The following LRP4 variants were observed in gnomAD, a reference collection of about 807,000 sequenced individuals.
The protein encoded by LRP4 is LDL receptor related protein 4.
LRP4 carries 95 observed loss-of-function variants against 220.3 expected under a neutral mutation model. That is an observed-to-expected ratio of 0.43 (90% CI 0.37 to 0.51). The LOEUF (loss-of-function observed/expected upper bound fraction) is 0.51, where lower values mean the gene tolerates loss of function less well. LRP4 is among the 20% of genes least tolerant of loss of function. LRP4 has a pLI of 0.00. For synonymous variants in LRP4, 903 were observed against 954.6 expected, an observed-to-expected ratio of 0.95 and a Z score of 1.00; for missense variants, 1,925 against 2,567.0, an observed-to-expected ratio of 0.75 and a Z score of 5.40.
Position 46,895,893 on chromosome 11 carries a change from T to C in LRP4, c.1174A>G (p.Thr392Ala). The part of the protein sequence containing the change: ...TGYRLTEDGH[T>A]CQDVNECAEE... The stretch of plus-strand genomic sequence containing the variant: ...CCAGGCCCCAGCTCACCTTGGCACG[T>C]GTGCCCATCCTCTGTGAGCCGGTAG... Residue 392 changes from threonine to alanine, a missense_variant, in exon 10 of 38, where the codon ACG (threonine) becomes GCG (alanine). Around this residue, in one of 3 missense-constraint regions of LRP4, gnomAD observed 269 missense variants for 436.7 expected, o/e 0.62. Transcript: ENST00000378623. 1 of 1,613,076 alleles carries C rather than the reference T, an allele frequency of 6.2e-7. No individual in the cohort carries two copies. Among genetic ancestry groups the C allele is most frequent in the Non-Finnish European group, 8.5e-7 (1 of 1,179,952 alleles).
Position 46,875,542 on chromosome 11 carries a change from T to C in LRP4, c.3839A>G (p.Lys1280Arg), listed in dbSNP as rs371205300. 9.9e-6 allele frequency: 16 copies of C among 1,613,998 alleles called. No homozygotes were observed. The highest frequency in any genetic ancestry group is 1.3e-5 in the African/African-American group (1 of 74,912). The change falls in exon 27 of 38, where the codon AAG becomes AGG. Residue 1280 changes from lysine to arginine, a missense_variant. By Grantham distance (26) the Lys-to-Arg change is conservative. Coordinates refer to ENST00000378623, the MANE Select transcript of LRP4 (RefSeq NM_002334.4). This position sits in a 1 kb window ranked among gnomAD's most constrained non-coding sequence, Gnocchi z 4.5. Reference protein sequence around the residue: ...WQTRSIHRADKGTGSNVILVR... With the variant: ...WQTRSIHRADRGTGSNVILVR... ...GAGGATGACATTGCTGCCAGTACCC[T>C]TGTCAGCACGGTGGATGCTCCGAGT...
chr11:46,895,399 C>T (rs1434593724), intron 10 of LRP4, 108 bp from the exon 11 acceptor site: 17 of 1,482,538 alleles, frequency 1.1e-5, no homozygotes, highest in Admixed American at 5.0e-5. Flanking sequence ...CTTTCCAGGC[C>T]TAGTGGGAAG....
chr11:46,882,937 A>C lies in LRP4; in HGVS notation c.2612+934T>G, dbSNP rs963675493. On this transcript the variant is annotated intron_variant, in intron 19 of 37. Coordinates refer to ENST00000378623, the MANE Select transcript of LRP4 (RefSeq NM_002334.4). ...AGACACACAAGATATAAGGGCAAGCAGAAAAAAAGTCACAAAAAGTATGCT... is the reference window on the plus strand; with the variant it reads ...AGACACACAAGATATAAGGGCAAGCCGAAAAAAAGTCACAAAAAGTATGCT... Among the ~76,000 whole-genome samples the C allele has an allele frequency of 3.9e-5, 6 of 152,112 alleles. 1 individual carries two copies. The highest frequency in any genetic ancestry group is 3.9e-4 in the Admixed American group (6 of 15,254).
intron 37 of LRP4, chr11:46,860,914 C>T (rs1940527373): frequency 1.0e-6 from 1 of 983,218 alleles, no homozygotes. Context: ...TCTACAAACA[C>T]ACAGCAACAG....
chr11:46,917,499 C>G (rs1437941825), intron 1 of LRP4, among the ~76,000 whole-genome samples: 1 of 152,166 alleles, frequency 6.6e-6, no homozygotes, highest in African/African-American at 2.4e-5. Context: ...CCAAGGAGTC[C>G]TGCTGCAGCC....
intron 18 of LRP4, among the ~76,000 whole-genome samples, chr11:46,884,279 C>T (rs1331488996): frequency 6.6e-6 from 1 of 152,170 alleles, no homozygotes; most frequent in Non-Finnish European, 1.5e-5. Context: ...ACACAGATTT[C>T]TGAACCTAAC....
rs1940408826 is a variant in LRP4 at position 46,857,434 on chromosome 11, CCT to C, written c.*1547_*1548del. Reference sequence around the variant, plus strand: ...GAAATTCTCCCCTCCATTCCCAGCCCCTGTTGTTCTCTCCTGCCACTTCTAAT... The same window carrying C: ...GAAATTCTCCCCTCCATTCCCAGCCCGTTGTTCTCTCCTGCCACTTCTAAT... On this transcript the variant is annotated 3_prime_UTR_variant, in exon 38 of 38. Coordinates refer to ENST00000378623, the MANE Select transcript of LRP4 (RefSeq NM_002334.4). 6.6e-6 allele frequency: 1 copy of C among 152,180 alleles called. No homozygotes were observed. Among genetic ancestry groups the C allele is most frequent in the South Asian group, 2.1e-4 (1 of 4,828 alleles). The allele number at this position is 152,180 out of a possible 1,614,324, so 9.4% of individuals were successfully genotyped here.
chr11:46,897,720 CAGA>C lies in LRP4; in HGVS notation c.797-729_797-727del, dbSNP rs1281673830. ...GTCACAGATCAACAGGATCCCAAGG[CAGA>C]AGAATTTTTCTTAGTACAGAACAAA... On this transcript the variant is annotated intron_variant, in intron 7 of 37. Coordinates refer to ENST00000378623, the MANE Select transcript of LRP4 (RefSeq NM_002334.4). Among the ~76,000 whole-genome samples the C allele has an allele frequency of 1.6e-4, 24 of 152,166 alleles. No homozygotes were observed. In the East Asian group the frequency reaches 4.4e-3, roughly 28 times the overall value.
At position 46,898,900 on chromosome 11, in the gene LRP4, TC is replaced by T; in HGVS notation, c.676+3del. ...CCCACCTCCCAGCTGGCCAGAGTAC[TC>T]ACAGCAGTCAGACTCGTCTGACCAG... On this transcript the variant is annotated splice_donor_region_variant and intron_variant, in intron 6 of 37. Coordinates refer to ENST00000378623, the MANE Select transcript of LRP4 (RefSeq NM_002334.4). The T allele has an allele frequency of 6.2e-7, 1 of 1,613,764 alleles. No individual in the cohort carries two copies. The highest frequency in any genetic ancestry group is 2.2e-5 in the East Asian group (1 of 44,874).
Position 46,890,587 on chromosome 11 carries a change from T to A in LRP4, c.1698-93A>T, listed in dbSNP as rs1168376608. 4 of 831,274 alleles carry A rather than the reference T, an allele frequency of 4.8e-6. No individual in the cohort carries two copies. The highest frequency in any genetic ancestry group is 8.0e-6 in the Non-Finnish European group (4 of 502,424). 51.5% of individuals were successfully genotyped at this position (831,274 alleles called of 1,614,324 possible). A position where few individuals can be genotyped will look rare whatever the true frequency, so the allele number is the denominator to read the frequency against. On this transcript the variant is annotated intron_variant, in intron 13 of 37. Transcript: ENST00000378623. The surrounding 1 kb of genome is among the most constrained non-coding windows in gnomAD (Gnocchi z 5.3). Reference sequence around the variant, plus strand: ...GGTAGGGCGCTTTTATCCATTTAACTCAGGGGACTCCAATGTTTGGTCCAC... The same window carrying A: ...GGTAGGGCGCTTTTATCCATTTAACACAGGGGACTCCAATGTTTGGTCCAC...
chr11:46,891,428 TACAC>T (rs57116396), intron 13 of LRP4, among the ~76,000 whole-genome samples: 24,044 of 146,994 alleles, frequency 0.16, 2,109 homozygotes, highest in Middle Eastern at 0.21. Flanking sequence ...TTGTATTTTA[TACAC>T]ACACACACAC....
At position 46,875,416 on chromosome 11, in the gene LRP4, C is replaced by T. The variant is rs1940985092; in HGVS notation, c.3925+40G>A. The T allele has an allele frequency of 6.4e-7, 1 of 1,564,394 alleles. No individual in the cohort carries two copies. The highest frequency in any genetic ancestry group is 1.7e-5 in the Admixed American group (1 of 59,868). On this transcript the variant is annotated intron_variant, in intron 27 of 37. Coordinates refer to ENST00000378623, the MANE Select transcript of LRP4 (RefSeq NM_002334.4). This position sits in a 1 kb window ranked among gnomAD's most constrained non-coding sequence, Gnocchi z 4.5. Reference sequence around the variant, plus strand: ...TGATGTTGAGATGGCCCCAGAAAGCCAGAGGCTCTGACTCACAGCCCCAGC... The same window carrying T: ...TGATGTTGAGATGGCCCCAGAAAGCTAGAGGCTCTGACTCACAGCCCCAGC...
chr11:46,885,200 A>G (rs577398957), intron 18 of LRP4, among the ~76,000 whole-genome samples: 1 of 152,102 alleles, frequency 6.6e-6, no homozygotes, highest in African/African-American at 2.4e-5. Context: ...GGGTCTTGCT[A>G]TATTTCCCAG....
intron 7 of LRP4, 86 bp from the exon 8 acceptor site, chr11:46,897,080 T>C: frequency 6.5e-7 from 1 of 1,549,920 alleles, no homozygotes; most frequent in Admixed American, 1.7e-5. Context: ...CTTATATCAG[T>C]ACCCATGCCA....
Position 46,867,810 on chromosome 11 carries a change from C to T in LRP4, c.5087+169G>A, listed in dbSNP as rs571458306. Among the ~76,000 whole-genome samples, 11 of 152,354 alleles carry T rather than the reference C, an allele frequency of 7.2e-5. No individual in the cohort carries two copies. The South Asian group carries it at 2.3e-3, about 32-fold the overall frequency. On this transcript the variant is annotated intron_variant, in intron 34 of 37. Coordinates refer to ENST00000378623, the MANE Select transcript of LRP4 (RefSeq NM_002334.4). ...GCCCTCAGAGCTAAAAAGGGAATCA[C>T]TTGTAACAATCTACAAGTCTGAATA...
intron 35 of LRP4, 43 bp downstream of exon 35, chr11:46,865,076 A>G (rs1940658694): frequency 1.3e-6 from 2 of 1,510,376 alleles, no homozygotes; most frequent in African/African-American, 1.4e-5. Context: ...ACTTAGATTC[A>G]TTACATCTTC....
chr11:46,871,921 C>A (rs886853400), intron 30 of LRP4, among the ~76,000 whole-genome samples: 1 of 152,106 alleles, frequency 6.6e-6, no homozygotes, highest in Non-Finnish European at 1.5e-5. Context: ...TTGACTCCTA[C>A]CCAATAATCA....
At position 46,890,606 on chromosome 11, in the gene LRP4, G is replaced by C; in HGVS notation, c.1698-112C>G. On this transcript the variant is annotated intron_variant, in intron 13 of 37. Transcript: ENST00000378623. The surrounding 1 kb of genome is among the most constrained non-coding windows in gnomAD (Gnocchi z 5.3). ...TTTAACTCAGGGGACTCCAATGTTT[G>C]GTCCACAGAATGAATTTTTTTTTTA... is the stretch of plus-strand genomic sequence containing the variant. 1 of 752,610 alleles carries C rather than the reference G, an allele frequency of 1.3e-6. No individual in the cohort carries two copies. Among genetic ancestry groups the C allele is most frequent in the South Asian group, 1.5e-5 (1 of 64,826 alleles). 46.6% of individuals were successfully genotyped at this position (752,610 alleles called of 1,614,324 possible).
At chr11:46,894,236 G>A (rs892345635) in intron 12 of LRP4, among the ~76,000 whole-genome samples, 9 of 152,074 alleles carry the variant, frequency 5.9e-5, no homozygotes, top group African/African-American at 2.2e-4. Flanking sequence ...ACTTATCCAG[G>A]TCAATCAGAA....
Sources: gnomAD v4.1 joint callset for allele counts (sites outside exome capture counted in the v4.1 genomes callset) on GRCh38, gnomAD v4.1.1 for gene constraint, gnomAD v4.1.1 regional missense constraint, Gnocchi (gnomAD v3.1) non-coding constraint, MANE v1.5 for transcripts, NCBI Gene and HGNC (gene_info 2026-07-23, HGNC 2026-07-21) for gene names.